The following GRID2 variants were observed in gnomAD, a reference collection of about 807,000 sequenced individuals.
The protein encoded by GRID2 is glutamate receptor ionotropic, delta-2.
A neutral mutation model predicts 114.8 loss-of-function variants in GRID2; 33 were observed. That is an observed-to-expected ratio of 0.29 (90% CI 0.22 to 0.38). The LOEUF is 0.38. Among genes scored for constraint, GRID2 ranks in the 10% least tolerant of loss-of-function variants. The probability of loss-of-function intolerance (pLI) is 1.00; values close to 1 mark genes in which losing one functional copy is unlikely to be tolerated. For synonymous variants in GRID2, 505 were observed against 449.9 expected, an observed-to-expected ratio of 1.12 and a Z score of -1.55; for missense variants, 1,184 against 1,257.7, an observed-to-expected ratio of 0.94 and a Z score of 0.89.
intron 14 of GRID2, among the ~76,000 whole-genome samples, chr4:93,674,840 A>G (rs1039144606): frequency 1.3e-5 from 2 of 152,148 alleles, no homozygotes; most frequent in Non-Finnish European, 2.9e-5. Context: ...TACATTAAGT[A>G]TATCTGCTAT....
intron 2 of GRID2, among the ~76,000 whole-genome samples, chr4:92,598,311 C>T (rs1413048346): frequency 6.6e-6 from 1 of 152,106 alleles, no homozygotes; most frequent in Admixed American, 6.6e-5. Flanking sequence ...GCTGCCCTGT[C>T]GTCTTACATG....
chr4:92,955,408 T>C (rs1752328710), intron 2 of GRID2, among the ~76,000 whole-genome samples: 1 of 152,226 alleles, frequency 6.6e-6, no homozygotes, highest in African/African-American at 2.4e-5. Context: ...GCTGCATAAA[T>C]GTCTTCTTTT....
At chr4:93,110,149 A>G (rs1732630879) in intron 3 of GRID2, among the ~76,000 whole-genome samples, 1 of 152,182 alleles carries the variant, frequency 6.6e-6, no homozygotes, top group African/African-American at 2.4e-5. Flanking sequence ...TCTCCTACCA[A>G]CTTTTCCAAA....
chr4:93,382,145 G>T (rs928434449), intron 8 of GRID2, among the ~76,000 whole-genome samples: 1 of 151,972 alleles, frequency 6.6e-6, no homozygotes, highest in Non-Finnish European at 1.5e-5. Context: ...CCTTGTATGT[G>T]ATTAATCACT....
intron 11 of GRID2, among the ~76,000 whole-genome samples, chr4:93,478,385 AAACTT>A (rs1228198158): frequency 6.6e-6 from 1 of 152,030 alleles, no homozygotes; most frequent in African/African-American, 2.4e-5. Flanking sequence ...CTGGTAAAAT[AAACTT>A]AACTGCTGGT....
chr4:93,338,170 C>T (rs2099383), intron 8 of GRID2, among the ~76,000 whole-genome samples: 38,441 of 152,000 alleles, frequency 0.25, 8,146 homozygotes, highest in African/African-American at 0.58. Flanking sequence ...CAATACATAA[C>T]AGTTTTTGAA....
chr4:93,254,550 T>G (rs1195751054), intron 8 of GRID2, among the ~76,000 whole-genome samples: 3 of 152,164 alleles, frequency 2.0e-5, no homozygotes, highest in African/African-American at 4.8e-5. Flanking sequence ...GAATTGTATT[T>G]GAAATGCTTT....
chr4:92,395,252 T>A (rs1241776648), intron 1 of GRID2, among the ~76,000 whole-genome samples: 2 of 151,666 alleles, frequency 1.3e-5, no homozygotes, highest in Non-Finnish European at 3.0e-5. Flanking sequence ...GGAGAATTCA[T>A]AATAAGGTAG....
chr4:93,031,032 ATTTTTT>A (rs576187018), intron 2 of GRID2, among the ~76,000 whole-genome samples: 1 of 106,206 alleles, frequency 9.4e-6, no homozygotes, highest in Non-Finnish European at 1.8e-5. Context: ...TCCAATCTCC[ATTTTTT>A]TTTTTTTTTT....
At position 93,395,709 on chromosome 4, in the gene GRID2, G is replaced by A; in HGVS notation, c.1347+1G>A. 1 of 1,373,730 alleles carries A rather than the reference G, an allele frequency of 7.3e-7. No homozygotes were observed. The highest frequency in any genetic ancestry group is 1.0e-6 in the Non-Finnish European group (1 of 963,612). 85.1% of individuals were successfully genotyped at this position (1,373,730 alleles called of 1,614,324 possible). A position where few individuals can be genotyped will look rare whatever the true frequency, so the allele number is the denominator to read the frequency against. On this transcript the variant is annotated splice_donor_variant, in intron 9 of 15. Coordinates refer to ENST00000282020, the MANE Select transcript of GRID2 (RefSeq NM_001510.4). LOFTEE classifies it high-confidence loss of function. ...GGTTCTACGTGTAGTAACTGTTCTGGTAAGTATTATCTGAGCCTCGTGGTT... is the reference window on the plus strand; with the variant it reads ...GGTTCTACGTGTAGTAACTGTTCTGATAAGTATTATCTGAGCCTCGTGGTT...
chr4:92,403,330 C>T (rs187623484), intron 1 of GRID2, among the ~76,000 whole-genome samples: 2 of 152,244 alleles, frequency 1.3e-5, no homozygotes, highest in Admixed American at 1.3e-4. Flanking sequence ...GTGCAAGAGG[C>T]TTACCTTTCA....
chr4:92,342,342 G>T (rs1727538836), intron 1 of GRID2, among the ~76,000 whole-genome samples: 1 of 152,126 alleles, frequency 6.6e-6, no homozygotes, highest in Admixed American at 6.5e-5. Flanking sequence ...TCCCAAGAGA[G>T]AATGGATTTT....
At chr4:92,851,216 A>G (rs1743763197) in intron 2 of GRID2, among the ~76,000 whole-genome samples, 1 of 151,964 alleles carries the variant, frequency 6.6e-6, no homozygotes, top group African/African-American at 2.4e-5. Context: ...TCAGCCAAAT[A>G]CTTTAAATAA....
chr4:92,416,801 C>G (rs1456067166), intron 1 of GRID2, among the ~76,000 whole-genome samples: 3 of 152,094 alleles, frequency 2.0e-5, no homozygotes, highest in Non-Finnish European at 2.9e-5. Context: ...GTTTTGGTAA[C>G]TATAGCTTGT....
chr4:92,607,694 A>T (rs958795454), intron 2 of GRID2, among the ~76,000 whole-genome samples: 7 of 151,894 alleles, frequency 4.6e-5, no homozygotes, highest in Admixed American at 1.3e-4. Context: ...CAGGCAGAAG[A>T]GTAGGAAAGG....
intron 1 of GRID2, among the ~76,000 whole-genome samples, chr4:92,379,809 T>C (rs2110234485): frequency 6.6e-6 from 1 of 152,144 alleles, no homozygotes; most frequent in Middle Eastern, 3.4e-3. Context: ...TGGCTAGAGC[T>C]TATTTTAATA....
intron 13 of GRID2, among the ~76,000 whole-genome samples, chr4:93,530,922 T>C (rs2149513279): frequency 6.6e-6 from 1 of 152,298 alleles, no homozygotes; most frequent in East Asian, 1.9e-4. Flanking sequence ...TTTCCTTATG[T>C]TCTGAGTAGT....
intron 14 of GRID2, among the ~76,000 whole-genome samples, chr4:93,699,966 G>A (rs780017763): frequency 3.9e-5 from 6 of 152,038 alleles, no homozygotes; most frequent in Admixed American, 6.6e-5. Context: ...TCTGAAATGT[G>A]GGTTCTCATT....
intron 1 of GRID2, among the ~76,000 whole-genome samples, chr4:92,386,376 G>T (rs1446445320): frequency 6.6e-6 from 1 of 151,668 alleles, no homozygotes; most frequent in Non-Finnish European, 1.5e-5. Context: ...AGGAAAACTA[G>T]GGCTGTGCTA....
Sources: gnomAD v4.1 joint callset for allele counts (sites outside exome capture counted in the v4.1 genomes callset) on GRCh38, gnomAD v4.1.1 for gene constraint, MANE v1.5 for transcripts, NCBI Gene and HGNC (gene_info 2026-07-23, HGNC 2026-07-21) for gene names.